CTTNBP2NL: variants seen among roughly 807,000 people sequenced by gnomAD.
CTTNBP2NL encodes CTTNBP2 N-terminal like.
In CTTNBP2NL, 16 loss-of-function variants were observed where a neutral mutation model predicts 32.5. The observed-to-expected ratio is 0.49, with a 90% CI of 0.33 to 0.75. The LOEUF (loss-of-function observed/expected upper bound fraction) is 0.75. Ranked by LOEUF, CTTNBP2NL falls within the 30% of genes least tolerant of loss-of-function variation. The pLI, the probability that CTTNBP2NL is intolerant of heterozygous loss-of-function variation, is 0.02. For missense variants in CTTNBP2NL, 645 were observed against 756.0 expected, an observed-to-expected ratio of 0.85 and a Z score of 1.72; for synonymous variants, 298 against 289.4, an observed-to-expected ratio of 1.03 and a Z score of -0.30.
intron 3 of CTTNBP2NL, among the ~76,000 whole-genome samples, chr1:112,441,201 A>G (rs1649882787): frequency 6.6e-6 from 1 of 152,126 alleles, no homozygotes; most frequent in Non-Finnish European, 1.5e-5. Flanking sequence ...TTCCCAGTCA[A>G]TCATCCCCCT....
At chr1:112,408,721 A>G (rs1213594650) in intron 1 of CTTNBP2NL, among the ~76,000 whole-genome samples, 2 of 152,164 alleles carry the variant, frequency 1.3e-5, no homozygotes. Context: ...AGAAAAGTAC[A>G]TGATCTAGTG....
At chr1:112,413,391 G>A (rs1266112277) in intron 2 of CTTNBP2NL, among the ~76,000 whole-genome samples, 1 of 152,160 alleles carries the variant, frequency 6.6e-6, no homozygotes, top group Non-Finnish European at 1.5e-5. Context: ...AAATGAGACA[G>A]GATAATAGTT....
chr1:112,423,465 C>T (rs979487666), intron 3 of CTTNBP2NL, among the ~76,000 whole-genome samples: 1 of 151,858 alleles, frequency 6.6e-6, no homozygotes, highest in African/African-American at 2.4e-5. Context: ...CATCATGTGG[C>T]ACACTATAAA....
intron 4 of CTTNBP2NL, among the ~76,000 whole-genome samples, chr1:112,453,257 T>A (rs952783922): frequency 6.6e-6 from 1 of 152,048 alleles, no homozygotes; most frequent in East Asian, 1.9e-4. Flanking sequence ...TTTATTTTTA[T>A]AGACAGGTTT....
chr1:112,408,103 T>C (rs918752553), intron 1 of CTTNBP2NL, among the ~76,000 whole-genome samples: 2 of 151,846 alleles, frequency 1.3e-5, no homozygotes, highest in Non-Finnish European at 2.9e-5. Context: ...GGCCTCAGCC[T>C]CCCAAAGTGT....
intron 3 of CTTNBP2NL, among the ~76,000 whole-genome samples, chr1:112,442,567 A>G (rs1649925370): frequency 6.6e-6 from 1 of 151,994 alleles, no homozygotes; most frequent in Non-Finnish European, 1.5e-5. Flanking sequence ...CCACCTACCT[A>G]CACTGAACAA....
At chr1:112,416,525 G>A (rs1192302285) in intron 3 of CTTNBP2NL, among the ~76,000 whole-genome samples, 2 of 149,552 alleles carry the variant, frequency 1.3e-5, no homozygotes, top group Admixed American at 1.3e-4. Context: ...TTGAGACGGA[G>A]TGTCACTCTG....
chr1:112,457,000 ACACAGT>A lies in CTTNBP2NL; in HGVS notation c.1512_1517del (p.Val505_Thr506del). The A allele has an allele frequency of 6.2e-7, 1 of 1,614,084 alleles. No homozygotes were observed. Among genetic ancestry groups the A allele is most frequent in the Non-Finnish European group, 8.5e-7 (1 of 1,180,014 alleles). ...TCTGCCGCCAAGCAGCTGGCCCGAA[ACACAGT>A]CACTCAGGTGCTCTCCAGATTCACT... On this transcript the variant is annotated inframe_deletion, in exon 6 of 6. Transcript: ENST00000271277.
rs1650410391 is a variant in CTTNBP2NL at position 112,457,597 on chromosome 1, C to T, written c.*185C>T. On this transcript the variant is annotated 3_prime_UTR_variant, in exon 6 of 6. Transcript: ENST00000271277. ...AACTGAGTAGTTTGGATTTTTATGG[C>T]TCACATCTTTTTACTGAAGCCAGAA... 1 of 563,844 alleles carries T rather than the reference C, an allele frequency of 1.8e-6. No homozygotes were observed. The highest frequency in any genetic ancestry group is 3.0e-6 in the Non-Finnish European group (1 of 334,888). 34.9% of individuals were successfully genotyped at this position (563,844 alleles called of 1,614,324 possible).
chr1:112,428,824 T>G (rs1350848646), intron 3 of CTTNBP2NL, among the ~76,000 whole-genome samples: 1 of 152,212 alleles, frequency 6.6e-6, no homozygotes, highest in Non-Finnish European at 1.5e-5. Flanking sequence ...TAGACTAGTT[T>G]TATGATCCAC....
chr1:112,432,166 C>G (rs768774586), intron 3 of CTTNBP2NL, among the ~76,000 whole-genome samples: 1 of 149,644 alleles, frequency 6.7e-6, no homozygotes, highest in African/African-American at 2.5e-5. Flanking sequence ...TTCTGCCTCC[C>G]GGGTTCACAC....
chr1:112,405,432 G>A (rs530596595), intron 1 of CTTNBP2NL, among the ~76,000 whole-genome samples: 8 of 152,216 alleles, frequency 5.3e-5, no homozygotes, highest in African/African-American at 1.9e-4. Flanking sequence ...TGAGAAGCTG[G>A]GATCACAGGT....
chr1:112,422,275 T>A (rs2492517), intron 3 of CTTNBP2NL, among the ~76,000 whole-genome samples: 83,850 of 152,086 alleles, frequency 0.55, 24,263 homozygotes, highest in South Asian at 0.71. Context: ...TCACTCAGCA[T>A]AATTACTTTG....
chr1:112,415,889 ATTTG>A, intron 2 of CTTNBP2NL: 1 of 341,196 alleles, frequency 2.9e-6, no homozygotes, highest in Non-Finnish European at 5.4e-6. Flanking sequence ...TTCCTAGGAT[ATTTG>A]TTTGTAAACG....
chr1:112,413,008 T>G (rs1648927898), intron 2 of CTTNBP2NL, among the ~76,000 whole-genome samples: 1 of 152,190 alleles, frequency 6.6e-6, no homozygotes, highest in Admixed American at 6.5e-5. Context: ...ATAAAAGAAT[T>G]CTTCTTTGTC....
rs1648409286 is a variant in CTTNBP2NL at position 112,398,878 on chromosome 1, A to G, written c.-134+2606A>G. ...TGTAATCTGCTAGTTAGAAAATACT[A>G]TTTTACTGTCATGAAATTTGAACCA... On this transcript the variant is annotated intron_variant, in intron 1 of 5. Transcript: ENST00000271277. Among the ~76,000 whole-genome samples the G allele has an allele frequency of 2.0e-5, 3 of 151,956 alleles. No homozygotes were observed. The East Asian group carries it at 5.8e-4, about 29-fold the overall frequency.
intron 4 of CTTNBP2NL, among the ~76,000 whole-genome samples, chr1:112,450,895 C>A (rs1650196447): frequency 1.3e-5 from 2 of 151,284 alleles, no homozygotes; most frequent in African/African-American, 2.4e-5. Flanking sequence ...AAGTAGAAGA[C>A]TGACTTTGTT....
chr1:112,425,209 A>G (rs1649356010), intron 3 of CTTNBP2NL, among the ~76,000 whole-genome samples: 1 of 152,054 alleles, frequency 6.6e-6, no homozygotes, highest in Non-Finnish European at 1.5e-5. Flanking sequence ...GGTGGCTTAC[A>G]CCTGTAATCC....
chr1:112,406,004 T>C (rs1307388397), intron 1 of CTTNBP2NL, among the ~76,000 whole-genome samples: 2 of 151,720 alleles, frequency 1.3e-5, no homozygotes, highest in Admixed American at 6.6e-5. Context: ...ACCAACATGG[T>C]GAAACCCTGT....
Sources: allele counts gnomAD v4.1 joint callset (sites outside exome capture counted in the v4.1 genomes callset), GRCh38; gene constraint gnomAD v4.1.1; transcripts MANE v1.5; gene names NCBI Gene and HGNC (gene_info 2026-07-23, HGNC 2026-07-21).